Variants in HPSE2 observed in about 807,000 individuals in gnomAD.
HPSE2 encodes the protein heparanase 2 (inactive), also known as inactive heparanase-2.
Under a neutral mutation model 60.5 loss-of-function variants are expected in HPSE2, and 38 were observed. That is an observed-to-expected ratio of 0.63 (90% CI 0.48 to 0.82). The LOEUF is 0.82. HPSE2 is among the 40% of genes least tolerant of loss of function. The probability of loss-of-function intolerance (pLI) is 0.00; values close to 1 mark genes in which losing one functional copy is unlikely to be tolerated. For synonymous variants in HPSE2, 295 were observed against 293.2 expected (o/e 1.01, Z -0.06); for missense variants, 713 against 740.4 (o/e 0.96, Z 0.43).
intron 9 of HPSE2, among the ~76,000 whole-genome samples, chr10:98,510,185 C>G (rs1942343573): frequency 6.6e-6 from 1 of 152,046 alleles, no homozygotes; most frequent in Admixed American, 6.5e-5. Flanking sequence ...TTTGTCTTTA[C>G]TTACTTCACT....
At chr10:99,139,009 T>C (rs1845766942) in intron 3 of HPSE2, among the ~76,000 whole-genome samples, 1 of 152,196 alleles carries the variant, frequency 6.6e-6, no homozygotes, top group Non-Finnish European at 1.5e-5. Context: ...CAGCACAATT[T>C]ACAATTGTAA....
chr10:98,962,951 T>C (rs997006551), intron 3 of HPSE2, among the ~76,000 whole-genome samples: 4 of 152,102 alleles, frequency 2.6e-5, no homozygotes, highest in African/African-American at 9.7e-5. Context: ...GAGTCTTTGG[T>C]TTATTCATTT....
chr10:98,737,721 C>T (rs10786466), intron 4 of HPSE2, among the ~76,000 whole-genome samples: 103,579 of 151,970 alleles, frequency 0.68, 36,378 homozygotes, highest in Non-Finnish European at 0.79. Flanking sequence ...AACTCCCATT[C>T]ACAATTGCTA....
intron 3 of HPSE2, among the ~76,000 whole-genome samples, chr10:98,868,166 A>T (rs922208043): frequency 6.6e-6 from 1 of 151,870 alleles, no homozygotes; most frequent in South Asian, 2.1e-4. Flanking sequence ...TCAGCTATAA[A>T]AAGAATGAGA....
intron 3 of HPSE2, among the ~76,000 whole-genome samples, chr10:98,950,435 TAG>T (rs901975947): frequency 6.6e-6 from 1 of 152,198 alleles, no homozygotes; most frequent in African/African-American, 2.4e-5. Flanking sequence ...ATCCAAGTGT[TAG>T]AGTCATTGAA....
At chr10:98,521,339 T>C (rs1436362237) in intron 9 of HPSE2, among the ~76,000 whole-genome samples, 1 of 152,182 alleles carries the variant, frequency 6.6e-6, no homozygotes, top group Non-Finnish European at 1.5e-5. Context: ...GAACAGACAC[T>C]TCTCAGAAGA....
intron 8 of HPSE2, among the ~76,000 whole-genome samples, chr10:98,618,749 GTA>G (rs1945991888): frequency 6.6e-6 from 1 of 152,256 alleles, no homozygotes; most frequent in East Asian, 1.9e-4. Context: ...GCTAAGTTTT[GTA>G]TGTTTAGTAA....
the HPSE2 span, among the ~76,000 whole-genome samples, chr10:99,304,983 A>G: frequency 8.5e-5 from 13 of 152,374 alleles, no homozygotes; most frequent in South Asian, 2.1e-3. Context: ...TTTAGGAAAC[A>G]AAGACTGGTT....
intron 2 of HPSE2, among the ~76,000 whole-genome samples, chr10:99,159,159 G>A (rs1846717137): frequency 6.6e-6 from 1 of 151,860 alleles, no homozygotes; most frequent in African/African-American, 2.4e-5. Flanking sequence ...AGAAAAAAAG[G>A]ATCAGAATGG....
intron 7 of HPSE2, among the ~76,000 whole-genome samples, chr10:98,634,744 T>A (rs1393604414): frequency 6.6e-6 from 1 of 152,204 alleles, no homozygotes; most frequent in Non-Finnish European, 1.5e-5. Context: ...GAGTTGATCT[T>A]TATTAAATAT....
At chr10:99,266,407 G>A in the HPSE2 span, among the ~76,000 whole-genome samples, 41 of 152,024 alleles carry the variant, frequency 2.7e-4, no homozygotes, top group African/African-American at 8.9e-4. Context: ...TGCATGGCAC[G>A]GCAGAGGCAG....
intron 7 of HPSE2, among the ~76,000 whole-genome samples, chr10:98,638,318 G>A (rs538472895): frequency 8.6e-5 from 13 of 151,608 alleles, no homozygotes; most frequent in African/African-American, 2.9e-4. Context: ...GGTGGCGGGC[G>A]CCTGTAGTCC....
intron 3 of HPSE2, among the ~76,000 whole-genome samples, chr10:99,119,260 A>C (rs1229673472): frequency 1.3e-5 from 2 of 152,208 alleles, no homozygotes; most frequent in Non-Finnish European, 2.9e-5. Context: ...CTCAAGATAA[A>C]AAATCAATGT....
At chr10:98,502,747 G>T (rs546725722) in intron 9 of HPSE2, among the ~76,000 whole-genome samples, 6 of 152,198 alleles carry the variant, frequency 3.9e-5, no homozygotes, top group Non-Finnish European at 5.9e-5. Flanking sequence ...GGAACAGTCA[G>T]CAGAGTAAAC....
At position 99,145,994 on chromosome 10, in the gene HPSE2, C is replaced by T. The variant is rs1304440758; in HGVS notation, c.449-1595G>A. On this transcript the variant is annotated intron_variant, in intron 2 of 11. Transcript: ENST00000370552. ...AAATTATGCAGTATTTATGCCTAAA[C>T]ATGTATATACCAATTTCTTGAATAT... is the stretch of plus-strand genomic sequence containing the variant. Among the ~76,000 whole-genome samples the T allele has an allele frequency of 3.3e-5, 5 of 152,140 alleles. No homozygotes were observed. In the East Asian group the frequency reaches 9.6e-4, roughly 29 times the overall value.
chr10:98,925,769 A>C (rs1378400144), intron 3 of HPSE2, among the ~76,000 whole-genome samples: 1 of 152,132 alleles, frequency 6.6e-6, no homozygotes, highest in East Asian at 1.9e-4. Flanking sequence ...CTGTCTTGCT[A>C]GATTGGTCCT....
intron 3 of HPSE2, among the ~76,000 whole-genome samples, chr10:98,861,228 TGAA>T (rs1384166556): frequency 6.6e-6 from 1 of 152,198 alleles, no homozygotes; most frequent in African/African-American, 2.4e-5. Context: ...ACAGGATAAT[TGAA>T]GAAATTATCT....
chr10:98,795,667 A>T (rs1301041303), intron 3 of HPSE2, among the ~76,000 whole-genome samples: 1 of 152,198 alleles, frequency 6.6e-6, no homozygotes, highest in African/African-American at 2.4e-5. Context: ...GACTCAGGTG[A>T]CATGTTACCT....
At chr10:98,846,301 T>C (rs997579603) in intron 3 of HPSE2, among the ~76,000 whole-genome samples, 2 of 152,230 alleles carry the variant, frequency 1.3e-5, no homozygotes, top group African/African-American at 2.4e-5. Flanking sequence ...GATCTATTTA[T>C]ATGAAAGTGC....
Sources: gnomAD v4.1 joint callset for allele counts (sites outside exome capture counted in the v4.1 genomes callset) on GRCh38, gnomAD v4.1.1 for gene constraint, MANE v1.5 for transcripts, NCBI Gene and HGNC (gene_info 2026-07-23, HGNC 2026-07-21) for gene names.